RBFOX1: variants seen among roughly 807,000 people sequenced by gnomAD.
RBFOX1 encodes the protein RNA binding protein fox-1 homolog 1.
Under a neutral mutation model 57.7 loss-of-function variants are expected in RBFOX1, and 8 were observed. That is an observed-to-expected ratio of 0.14 (90% confidence interval 0.08 to 0.25). The LOEUF is 0.25. Ranked by LOEUF, RBFOX1 falls within the 10% of genes least tolerant of loss-of-function variation. The pLI is 1.00. For synonymous variants in RBFOX1, 326 were observed against 222.4 expected, an observed-to-expected ratio of 1.47 and a Z score of -4.15; for missense variants, 611 against 548.5, an observed-to-expected ratio of 1.11 and a Z score of -1.14.
At chr16:5,508,325 G>T (rs903102145) in intron 2 of RBFOX1, among the ~76,000 whole-genome samples, 1 of 152,128 alleles carries the variant, frequency 6.6e-6, no homozygotes, top group African/African-American at 2.4e-5. Context: ...GCCACCCTCA[G>T]CTCCTTGCCA....
intron 3 of RBFOX1, chr16:6,983,762 G>A (rs978166303): frequency 6.6e-6 from 1 of 152,434 alleles, no homozygotes; most frequent in Non-Finnish European, 1.5e-5. Context: ...GATGTAGGCT[G>A]GGTGGCTGCT....
chr16:6,953,231 A>C (rs770552177), intron 3 of RBFOX1, among the ~76,000 whole-genome samples: 1 of 152,126 alleles, frequency 6.6e-6, no homozygotes, highest in Non-Finnish European at 1.5e-5. Flanking sequence ...CCTGTTACCT[A>C]TGGTACTCTT....
chr16:5,530,549 T>C (rs922844217), intron 2 of RBFOX1, among the ~76,000 whole-genome samples: 2 of 151,792 alleles, frequency 1.3e-5, no homozygotes, highest in Admixed American at 1.3e-4. Flanking sequence ...TGCGGCAGCG[T>C]TTCTTAACAT....
At chr16:7,489,406 A>G (rs2066319410) in intron 4 of RBFOX1, among the ~76,000 whole-genome samples, 1 of 152,202 alleles carries the variant, frequency 6.6e-6, no homozygotes. Context: ...CAAGTACTTT[A>G]TGTATTAATC....
intron 4 of RBFOX1, among the ~76,000 whole-genome samples, chr16:7,396,488 G>C (rs1199037039): frequency 6.6e-6 from 1 of 152,282 alleles, no homozygotes; most frequent in East Asian, 1.9e-4. Flanking sequence ...TACACGTCCT[G>C]ATTCATAAGT....
intron 1 of RBFOX1, among the ~76,000 whole-genome samples, chr16:5,297,395 C>G (rs9928599): frequency 3.5e-4 from 54 of 152,294 alleles, no homozygotes; most frequent in African/African-American, 1.3e-3. Flanking sequence ...TGCATCCTCA[C>G]CAACACTTGT....
chr16:7,076,002 C>G (rs1413349612), intron 4 of RBFOX1, among the ~76,000 whole-genome samples: 1 of 151,958 alleles, frequency 6.6e-6, no homozygotes, highest in Non-Finnish European at 1.5e-5. Context: ...TAAACTGACA[C>G]CAGTTGTCAG....
intron 4 of RBFOX1, among the ~76,000 whole-genome samples, chr16:7,338,884 G>A (rs943628072): frequency 6.6e-6 from 1 of 152,132 alleles, no homozygotes; most frequent in Non-Finnish European, 1.5e-5. Context: ...GCTGCCCTGC[G>A]ATTTTATCTC....
At chr16:7,099,126 G>T (rs1428990632) in intron 4 of RBFOX1, among the ~76,000 whole-genome samples, 1 of 152,030 alleles carries the variant, frequency 6.6e-6, no homozygotes, top group African/African-American at 2.4e-5. Flanking sequence ...ATCAGAGATG[G>T]CAGATAGTAG....
chr16:5,967,148 C>T (rs568237018), intron 4 of RBFOX1, among the ~76,000 whole-genome samples: 1 of 152,266 alleles, frequency 6.6e-6, no homozygotes, highest in South Asian at 2.1e-4. Context: ...CAGAGACCAT[C>T]TGGCCCGCAA....
intron 4 of RBFOX1, among the ~76,000 whole-genome samples, chr16:5,909,084 GCC>G (rs372146600): frequency 0.27 from 35,312 of 131,906 alleles, 5,821 homozygotes; most frequent in East Asian, 0.48. Context: ...AACAGACTAA[GCC>G]CCCCTTTTTT....
intron 3 of RBFOX1, among the ~76,000 whole-genome samples, chr16:6,999,375 C>T (rs912269655): frequency 6.6e-6 from 1 of 151,328 alleles, no homozygotes; most frequent in East Asian, 1.9e-4. Context: ...CATTTTTACT[C>T]CAGATTCATT....
At chr16:6,799,039 C>T (rs1412981494) in intron 3 of RBFOX1, among the ~76,000 whole-genome samples, 1 of 151,882 alleles carries the variant, frequency 6.6e-6, no homozygotes, top group African/African-American at 2.4e-5. Context: ...GGAGACTGGG[C>T]AGAAAATTAG....
At chr16:6,978,237 T>C (rs2087656363) in intron 3 of RBFOX1, among the ~76,000 whole-genome samples, 1 of 152,178 alleles carries the variant, frequency 6.6e-6, no homozygotes, top group African/African-American at 2.4e-5. Flanking sequence ...AAAACAAGTT[T>C]CTAGCCTTGG....
At chr16:7,279,799 A>G (rs975760066) in intron 4 of RBFOX1, among the ~76,000 whole-genome samples, 1 of 152,160 alleles carries the variant, frequency 6.6e-6, no homozygotes, top group African/African-American at 2.4e-5. Flanking sequence ...GTGAAATCCC[A>G]CAAGGAAAGG....
At chr16:7,563,059 A>T (rs2090794289) in intron 5 of RBFOX1, among the ~76,000 whole-genome samples, 1 of 152,188 alleles carries the variant, frequency 6.6e-6, no homozygotes, top group South Asian at 2.1e-4. Context: ...TAAACATCCC[A>T]AAGAAGCTCT....
intron 4 of RBFOX1, among the ~76,000 whole-genome samples, chr16:7,129,140 C>G (rs567426780): frequency 5.3e-4 from 81 of 152,108 alleles, no homozygotes; most frequent in South Asian, 4.6e-3. Flanking sequence ...TAAACTTGCC[C>G]AAAGTTAGAT....
intron 3 of RBFOX1, among the ~76,000 whole-genome samples, chr16:5,798,552 C>T (rs1262167691): frequency 6.6e-6 from 1 of 152,092 alleles, no homozygotes; most frequent in Non-Finnish European, 1.5e-5. Context: ...TATTACAGGG[C>T]AGAGGGCATC....
At chr16:6,589,102 A>C (rs2097673203) in intron 2 of RBFOX1, among the ~76,000 whole-genome samples, 2 of 30,144 alleles carry the variant, frequency 6.6e-5, no homozygotes, top group African/African-American at 7.2e-5. Context: ...CATCTATATT[A>C]CAAAAAAACC....
Sources: gnomAD v4.1 joint callset for allele counts (sites outside exome capture counted in the v4.1 genomes callset) on GRCh38, gnomAD v4.1.1 for gene constraint, MANE v1.5 for transcripts, NCBI Gene and HGNC (gene_info 2026-07-23, HGNC 2026-07-21) for gene names.